Variants in PCSK5 observed in about 807,000 individuals in gnomAD.
PCSK5 encodes proprotein convertase subtilisin/kexin type 5, also known as prohormone convertase 5.
PCSK5 carries 129 observed loss-of-function variants against 233.2 expected under a neutral mutation model. The ratio of observed to expected loss-of-function variants is 0.55; its 90% CI spans 0.48 to 0.64. The LOEUF is 0.64. Ranked by LOEUF, PCSK5 falls within the 30% of genes least tolerant of loss-of-function variation. The pLI is 0.00. For synonymous variants in PCSK5, 825 were observed against 879.2 expected, an observed-to-expected ratio of 0.94 and a Z score of 1.09; for missense variants, 2,076 against 2,430.1, an observed-to-expected ratio of 0.85 and a Z score of 3.06.
intron 1 of PCSK5, among the ~76,000 whole-genome samples, chr9:75,896,372 G>A (rs974765654): frequency 4.6e-5 from 7 of 152,106 alleles, no homozygotes; most frequent in African/African-American, 1.7e-4. Context: ...GTCTTTCATG[G>A]GCTTACATCC....
At position 76,358,809 on chromosome 9, in the gene PCSK5, G is replaced by A. The variant is rs768735585; in HGVS notation, c.5551G>A (p.Val1851Ile). The part of the protein sequence containing the change: ...DYDEDDDDDI[V>I]YMGQDGTVYR... ...TGATGAGGATGATGATGATGACATCGTCTACATGGGCCAGGATGGCACAGT... is the reference window on the plus strand; with the variant it reads ...TGATGAGGATGATGATGATGACATCATCTACATGGGCCAGGATGGCACAGT... Residue 1851 changes from valine to isoleucine, a missense_variant, in exon 38 of 38, where the codon GTC (valine) becomes ATC (isoleucine). Val to Ile is a conservative substitution (Grantham distance 29, BLOSUM62 3). This residue lies in a region of PCSK5 where 1,510 missense variants were observed against 1,538.1 expected (regional missense o/e 0.98). Transcript: ENST00000674117. 22 of 1,612,822 alleles carry A rather than the reference G, an allele frequency of 1.4e-5. No homozygotes were observed. Among genetic ancestry groups the A allele is most frequent in the East Asian group, 1.1e-4 (5 of 44,884 alleles).
intron 22 of PCSK5, among the ~76,000 whole-genome samples, chr9:76,234,603 T>A (rs1365862108): frequency 1.3e-5 from 2 of 152,344 alleles, no homozygotes; most frequent in South Asian, 2.1e-4. Context: ...TGTCAAAACA[T>A]GACAAATATC....
chr9:76,090,080 T>C (rs1472738923), intron 7 of PCSK5, among the ~76,000 whole-genome samples: 1 of 152,214 alleles, frequency 6.6e-6, no homozygotes, highest in Non-Finnish European at 1.5e-5. Context: ...GAAGAGATTT[T>C]TCTTTTTTTG....
chr9:76,181,377 T>C, intron 15 of PCSK5, 21 bp from the exon 16 acceptor site: 1 of 1,603,390 alleles, frequency 6.2e-7, no homozygotes. Flanking sequence ...CTGCCTTCTT[T>C]CTTATTGTTT....
chr9:76,117,476 A>T (rs1332971283), intron 9 of PCSK5, among the ~76,000 whole-genome samples: 1 of 152,156 alleles, frequency 6.6e-6, no homozygotes, highest in East Asian at 1.9e-4. Flanking sequence ...TTTTGCTGCA[A>T]CTGGAGTCAT....
At chr9:76,235,392 A>C (rs1453536160) in intron 22 of PCSK5, among the ~76,000 whole-genome samples, 2 of 152,356 alleles carry the variant, frequency 1.3e-5, no homozygotes, top group South Asian at 4.1e-4. Flanking sequence ...AATTAGAAAG[A>C]AGTTTAGATA....
chr9:76,344,800 G>A (rs1046604680), intron 35 of PCSK5, among the ~76,000 whole-genome samples: 2 of 152,098 alleles, frequency 1.3e-5, no homozygotes, highest in South Asian at 2.1e-4. Context: ...TGCAGTGGGC[G>A]GCGCAGTGCA....
chr9:76,318,401 A>G (rs1056923159), intron 30 of PCSK5, among the ~76,000 whole-genome samples: 5 of 152,016 alleles, frequency 3.3e-5, no homozygotes, highest in African/African-American at 1.2e-4. Context: ...GCAAACCACC[A>G]TGGCACATGT....
At chr9:75,991,927 A>T (rs944851983) in intron 3 of PCSK5, among the ~76,000 whole-genome samples, 3 of 151,950 alleles carry the variant, frequency 2.0e-5, no homozygotes, top group African/African-American at 7.3e-5. Flanking sequence ...CTCTAAAAAA[A>T]TGTAAAATAA....
chr9:75,935,215 A>G (rs1335902065), intron 2 of PCSK5, among the ~76,000 whole-genome samples: 1 of 152,044 alleles, frequency 6.6e-6, no homozygotes, highest in Non-Finnish European at 1.5e-5. Context: ...CTACAGGTGC[A>G]TGCCACCACG....
chr9:76,094,411 A>C (rs1831422162), intron 7 of PCSK5, among the ~76,000 whole-genome samples: 1 of 152,162 alleles, frequency 6.6e-6, no homozygotes, highest in East Asian at 1.9e-4. Context: ...ATTTGGCCTC[A>C]GTGTCTTCCA....
rs570844719 is a variant in PCSK5, at chr9:75,932,366, C to T, written c.193-13C>T. 2.7e-6 allele frequency: 4 copies of T among 1,490,252 alleles called. No homozygotes were observed. In the East Asian group the frequency reaches 9.1e-5, roughly 34 times the overall value. 92.3% of individuals were successfully genotyped at this position (1,490,252 alleles called of 1,614,324 possible). A position where few individuals can be genotyped will look rare whatever the true frequency, so the allele number is the denominator to read the frequency against. On this transcript the variant is annotated splice_polypyrimidine_tract_variant and intron_variant, in intron 1 of 37. Coordinates refer to ENST00000674117, the MANE Select transcript of PCSK5 (RefSeq NM_001372043.1). ...CTTTTTTTTGTTCTTTCCTTCCCAC[C>T]CTTCCTTTGCAGATAGGGGCCCTGA...
chr9:76,180,631 C>A (rs1346399827), intron 15 of PCSK5, among the ~76,000 whole-genome samples: 2 of 152,140 alleles, frequency 1.3e-5, no homozygotes, highest in African/African-American at 4.8e-5. Flanking sequence ...TCTCCCTCCT[C>A]CTTCAGGCGA....
At chr9:76,146,829 C>A (rs1302337096) in intron 10 of PCSK5, among the ~76,000 whole-genome samples, 1 of 152,128 alleles carries the variant, frequency 6.6e-6, no homozygotes, top group Non-Finnish European at 1.5e-5. Context: ...TGCACAACTT[C>A]TTTTCATGTT....
chr9:75,979,811 C>G (rs1482994752), intron 2 of PCSK5, among the ~76,000 whole-genome samples: 1 of 152,196 alleles, frequency 6.6e-6, no homozygotes, highest in Non-Finnish European at 1.5e-5. Flanking sequence ...ATCCCTTCCT[C>G]CATAATCACT....
At chr9:76,257,634 G>A (rs772756650) in intron 24 of PCSK5, among the ~76,000 whole-genome samples, 3 of 152,206 alleles carry the variant, frequency 2.0e-5, no homozygotes, top group Non-Finnish European at 4.4e-5. Flanking sequence ...AGCCGGGGCC[G>A]TCAGAAGCAG....
intron 10 of PCSK5, among the ~76,000 whole-genome samples, chr9:76,155,538 C>G (rs1022486038): frequency 1.3e-5 from 2 of 152,094 alleles, no homozygotes; most frequent in African/African-American, 4.8e-5. Context: ...ATTGGCAATG[C>G]AATTGATGGC....
chr9:76,315,109 C>T (rs748098637), intron 30 of PCSK5, among the ~76,000 whole-genome samples: 38 of 152,006 alleles, frequency 2.5e-4, no homozygotes, highest in African/African-American at 7.2e-4. Context: ...TCCATCACCA[C>T]GCCCAGCTAA....
intron 3 of PCSK5, among the ~76,000 whole-genome samples, chr9:76,006,374 T>G (rs1175463348): frequency 6.6e-6 from 1 of 152,190 alleles, no homozygotes; most frequent in African/African-American, 2.4e-5. Context: ...GCCCATTCCT[T>G]GTTCTTTTGA....
Sources: gnomAD v4.1 joint callset for allele counts (sites outside exome capture counted in the v4.1 genomes callset) on GRCh38, gnomAD v4.1.1 for gene constraint, gnomAD v4.1.1 regional missense constraint, MANE v1.5 for transcripts, NCBI Gene and HGNC (gene_info 2026-07-23, HGNC 2026-07-21) for gene names.